Variants in LRMDA observed in about 807,000 individuals in gnomAD.
The protein encoded by LRMDA is leucine rich melanocyte differentiation associated, also known as leucine-rich melanocyte differentiation-associated protein.
In LRMDA, 18 loss-of-function variants were observed where a neutral mutation model predicts 29.8. That is an observed-to-expected ratio of 0.60 (90% CI 0.42 to 0.90). LRMDA has a LOEUF of 0.90. Among genes scored for constraint, LRMDA ranks in the 40% least tolerant of loss-of-function variants. The probability of loss-of-function intolerance (pLI) is 0.00; values close to 1 mark genes in which losing one functional copy is unlikely to be tolerated. For synonymous variants in LRMDA, 125 were observed against 109.4 expected (o/e 1.14, Z -0.89); for missense variants, 273 against 273.9 (o/e 1.00, Z 0.02).
chr10:75,470,676 C>T (rs1003715975), intron 2 of LRMDA, among the ~76,000 whole-genome samples: 2 of 152,122 alleles, frequency 1.3e-5, no homozygotes, highest in Non-Finnish European at 2.9e-5. Flanking sequence ...AGTGCCAGAG[C>T]TCACTTCTCT....
intron 2 of LRMDA, among the ~76,000 whole-genome samples, chr10:75,740,736 G>A (rs909236030): frequency 1.3e-5 from 2 of 152,144 alleles, no homozygotes; most frequent in Non-Finnish European, 2.9e-5. Context: ...TTGGCAAATA[G>A]TGGTGCTTAG....
intron 2 of LRMDA, among the ~76,000 whole-genome samples, chr10:75,482,790 A>G (rs747017617): frequency 3.9e-5 from 6 of 152,218 alleles, no homozygotes; most frequent in Non-Finnish European, 8.8e-5. Context: ...ATAGCTTTTT[A>G]GAAATGCATG....
chr10:76,112,640 G>C (rs1290751778), intron 5 of LRMDA, among the ~76,000 whole-genome samples: 2 of 152,214 alleles, frequency 1.3e-5, no homozygotes, highest in East Asian at 3.9e-4. Flanking sequence ...TTTTCTTCTG[G>C]GCATGTGGGC....
intron 2 of LRMDA, among the ~76,000 whole-genome samples, chr10:75,619,164 TGAGTA>T (rs1264558723): frequency 6.6e-6 from 1 of 152,022 alleles, no homozygotes; most frequent in African/African-American, 2.4e-5. Context: ...ATCTTCACAT[TGAGTA>T]GGCTGAGGAG....
chr10:76,214,052 G>A (rs1851682407), intron 5 of LRMDA, among the ~76,000 whole-genome samples: 1 of 152,120 alleles, frequency 6.6e-6, no homozygotes, highest in Non-Finnish European at 1.5e-5. Context: ...ATGGAGGTGA[G>A]GGAGACAGGA....
intron 2 of LRMDA, among the ~76,000 whole-genome samples, chr10:75,733,316 T>C (rs1417333834): frequency 6.6e-6 from 1 of 152,188 alleles, no homozygotes; most frequent in Non-Finnish European, 1.5e-5. Context: ...ATTCCTGTGT[T>C]TTACCATCCA....
At chr10:75,973,565 C>G (rs1439389677) in intron 2 of LRMDA, among the ~76,000 whole-genome samples, 1 of 151,948 alleles carries the variant, frequency 6.6e-6, no homozygotes, top group African/African-American at 2.4e-5. Context: ...ATTACAGGCA[C>G]CTGCCACCAC....
chr10:75,702,845 G>C (rs1185593385), intron 2 of LRMDA, among the ~76,000 whole-genome samples: 4 of 152,152 alleles, frequency 2.6e-5, no homozygotes, highest in Admixed American at 1.3e-4. Flanking sequence ...ACCTGGGAGT[G>C]AGAATAATAA....
intron 6 of LRMDA, among the ~76,000 whole-genome samples, chr10:76,456,798 C>T (rs1842461436): frequency 6.6e-6 from 1 of 152,120 alleles, no homozygotes; most frequent in African/African-American, 2.4e-5. Flanking sequence ...TCTTTTCTAG[C>T]TCTTGAAGGA....
chr10:75,914,978 A>AT (rs935239227), intron 2 of LRMDA, among the ~76,000 whole-genome samples: 2 of 152,164 alleles, frequency 1.3e-5, no homozygotes, highest in Non-Finnish European at 2.9e-5. Flanking sequence ...TCACTGGCCC[A>AT]TTGAAGAACC....
intron 2 of LRMDA, among the ~76,000 whole-genome samples, chr10:75,541,702 G>T (rs2132049093): frequency 6.6e-6 from 1 of 152,254 alleles, no homozygotes; most frequent in African/African-American, 2.4e-5. Context: ...GAGTTGCCAT[G>T]TTTTTTTCCT....
At chr10:76,517,585 C>A (rs1843074728) in intron 6 of LRMDA, among the ~76,000 whole-genome samples, 1 of 151,972 alleles carries the variant, frequency 6.6e-6, no homozygotes, top group Admixed American at 6.6e-5. Context: ...ACTAAAAGAA[C>A]TTCTAAAGCA....
intron 2 of LRMDA, among the ~76,000 whole-genome samples, chr10:75,728,583 G>A (rs1171623278): frequency 6.6e-6 from 1 of 152,064 alleles, no homozygotes; most frequent in Non-Finnish European, 1.5e-5. Context: ...ATTCATAAAT[G>A]AAGAAGGCTG....
At chr10:75,511,681 A>G (rs1845227863) in intron 2 of LRMDA, among the ~76,000 whole-genome samples, 1 of 152,214 alleles carries the variant, frequency 6.6e-6, no homozygotes, top group Non-Finnish European at 1.5e-5. Context: ...ATTTTTAACC[A>G]GTTGAACCAG....
intron 5 of LRMDA, among the ~76,000 whole-genome samples, chr10:76,259,690 G>A (rs1357495610): frequency 6.6e-6 from 1 of 151,784 alleles, no homozygotes; most frequent in Non-Finnish European, 1.5e-5. Context: ...TATTGTATTG[G>A]GGTCTATCTC....
At chr10:75,932,964 T>C (rs771603163) in intron 2 of LRMDA, among the ~76,000 whole-genome samples, 19 of 152,192 alleles carry the variant, frequency 1.2e-4, no homozygotes, top group Non-Finnish European at 2.1e-4. Flanking sequence ...AACCAAAGCC[T>C]TAGTCAAGAA....
At chr10:76,484,359 TA>T (rs1365779831) in intron 6 of LRMDA, among the ~76,000 whole-genome samples, 3 of 151,840 alleles carry the variant, frequency 2.0e-5, no homozygotes, top group African/African-American at 7.2e-5. Context: ...CCCAACATTT[TA>T]ATTAGGGTAG....
intron 2 of LRMDA, among the ~76,000 whole-genome samples, chr10:75,499,165 C>G (rs1408865752): frequency 3.3e-5 from 5 of 152,190 alleles, no homozygotes; most frequent in Non-Finnish European, 2.9e-5. Context: ...GAAAGAGGTG[C>G]TGACGCTTCT....
intron 2 of LRMDA, among the ~76,000 whole-genome samples, chr10:75,518,095 G>A (rs9678136): frequency 6.6e-6 from 1 of 152,116 alleles, no homozygotes; most frequent in Non-Finnish European, 1.5e-5. Context: ...TGCTGGATTT[G>A]GTTTGCCAGT....
Sources: allele counts gnomAD v4.1 joint callset (sites outside exome capture counted in the v4.1 genomes callset), GRCh38; gene constraint gnomAD v4.1.1; transcripts MANE v1.5; gene names NCBI Gene and HGNC (gene_info 2026-07-23, HGNC 2026-07-21).